CREBBP: variants seen among roughly 807,000 people sequenced by gnomAD.
The protein encoded by CREBBP is CREB binding lysine acetyltransferase, also known as CREB-binding protein.
Under a neutral mutation model 265.0 loss-of-function variants are expected in CREBBP, and 19 were observed. The observed-to-expected ratio is 0.07, with a 90% CI of 0.05 to 0.11. CREBBP has a LOEUF of 0.11. CREBBP is among the 10% of genes least tolerant of loss of function. CREBBP has a pLI of 1.00. For synonymous variants in CREBBP, 1,457 were observed against 1,223.7 expected (o/e 1.19, Z -3.98); for missense variants, 2,525 against 3,219.0 (o/e 0.78, Z 5.22).
chr16:3,814,215 CTGTGTGTGTGTG>C (rs6145729), intron 2 of CREBBP, among the ~76,000 whole-genome samples: 10,121 of 103,962 alleles, frequency 0.097, 537 homozygotes, highest in East Asian at 0.18. Context: ...GAGTCTCGTT[CTGTGTGTGTGTG>C]TGTGTGTGTG....
chr16:3,770,793 G>C lies in CREBBP; in HGVS notation c.2657C>G (p.Thr886Ser). The part of the protein sequence containing the change: ...GMTPPQPAAP[T>S]QPSTPVSSSG... ...AGACGACACAGGAGTTGATGGCTGA[G>C]TGGGAGCTGCTGGCTGGGGAGGAGT... is the stretch of plus-strand genomic sequence containing the variant. Residue 886 changes from threonine (T) to serine (S), a missense_variant, in exon 14 of 31, where the codon ACT becomes AGT. This residue lies in a region of CREBBP where 548 missense variants were observed against 533.0 expected (regional missense o/e 1.03). Coordinates refer to ENST00000262367, the MANE Select transcript of CREBBP (RefSeq NM_004380.3). 1.2e-6 allele frequency: 2 copies of C among 1,614,118 alleles called. No individual in the cohort carries two copies. Among genetic ancestry groups the C allele is most frequent in the South Asian group, 2.2e-5 (2 of 91,080 alleles).
At position 3,773,766 on chromosome 16, in the gene CREBBP, T is replaced by C. The variant is rs760103333; in HGVS notation, c.2448A>G (p.Gln816=). The C allele has an allele frequency of 1.2e-6, 2 of 1,613,872 alleles. No homozygotes were observed. The highest frequency in any genetic ancestry group is 1.7e-6 in the Non-Finnish European group (2 of 1,180,030). ...MSVGMGQPPA[Q]TGVSQGQVPG... ...GGCACAGTACCTGTGACACGCCTGT[T>C]TGGGCTGGCGGCTGCCCCATGCCCA... The change falls in exon 13 of 31, where the codon CAA becomes CAG. Residue 816 remains glutamine (Q), a synonymous_variant. Coordinates refer to ENST00000262367, the MANE Select transcript of CREBBP (RefSeq NM_004380.3).
intron 2 of CREBBP, among the ~76,000 whole-genome samples, chr16:3,820,354 A>G (rs9939460): frequency 0.015 from 2,352 of 152,338 alleles, 71 homozygotes; most frequent in African/African-American, 0.054. Flanking sequence ...TGCCACAGAC[A>G]GCACTTGGCT....
In CREBBP at chr16:3,770,966, A is replaced by G. The variant is rs757137669; in HGVS notation, c.2484T>C (p.Ala828=). The G allele has an allele frequency of 6.2e-7, 1 of 1,613,602 alleles. No individual in the cohort carries two copies. The highest frequency in any genetic ancestry group is 8.5e-7 in the Non-Finnish European group (1 of 1,180,004). The change falls in exon 14 of 31, where the codon GCT becomes GCC. Residue 828 remains alanine (A), a synonymous_variant. Transcript: ENST00000262367. ...CCAGCATGTTGAGAGGGTTAGGAAGAGCAGCACCAGGCACCTGTCCCTACC... is the reference window on the plus strand; with the variant it reads ...CCAGCATGTTGAGAGGGTTAGGAAGGGCAGCACCAGGCACCTGTCCCTACC... ...GVSQGQVPGA[A]LPNPLNMLGP...
chr16:3,877,968 T>G (rs1318186181), intron 1 of CREBBP, among the ~76,000 whole-genome samples: 1 of 152,248 alleles, frequency 6.6e-6, no homozygotes, highest in Non-Finnish European at 1.5e-5. Flanking sequence ...GATCAACTTA[T>G]TAAGCATCTG....
intron 3 of CREBBP, among the ~76,000 whole-genome samples, chr16:3,807,895 T>A (rs1316263366): frequency 6.6e-6 from 1 of 152,162 alleles, no homozygotes; most frequent in Non-Finnish European, 1.5e-5. Flanking sequence ...AAGGCACACG[T>A]GGGCACAGCC....
At chr16:3,749,095 C>T (rs879480961) in intron 21 of CREBBP, among the ~76,000 whole-genome samples, 7 of 152,112 alleles carry the variant, frequency 4.6e-5, no homozygotes, top group South Asian at 2.1e-4. Flanking sequence ...TGCAGTGAGC[C>T]GAGATCGTGC....
chr16:3,875,329 C>T (rs1014461387), intron 1 of CREBBP, among the ~76,000 whole-genome samples: 3 of 152,144 alleles, frequency 2.0e-5, no homozygotes, highest in South Asian at 4.1e-4. Context: ...AAACGAAGCA[C>T]GGTCATGAAA....
chr16:3,794,241 A>C (rs1340598419), intron 3 of CREBBP, among the ~76,000 whole-genome samples: 1 of 141,368 alleles, frequency 7.1e-6, no homozygotes, highest in Non-Finnish European at 1.5e-5. Context: ...CTGAGGCAGG[A>C]GAATGGTGTG....
chr16:3,852,212 TG>T (rs1260606225), intron 1 of CREBBP, among the ~76,000 whole-genome samples: 1 of 122,444 alleles, frequency 8.2e-6, no homozygotes, highest in Admixed American at 9.7e-5. Flanking sequence ...CGGCCCAGGC[TG>T]GATGGAGTGC....
In CREBBP at chr16:3,731,923, G is replaced by A. The variant is rs2051927798; in HGVS notation, c.4743C>T (p.Asp1581=). 4 of 1,614,238 alleles carry A rather than the reference G, an allele frequency of 2.5e-6. No individual in the cohort carries two copies. The East Asian group carries it at 6.7e-5, about 27-fold the overall frequency. The part of the protein sequence containing the change: ...ASETTEGSQG[D]SKNAKKKNNK... The stretch of plus-strand genomic sequence containing the variant: ...TGTTCTTCTTCTTGGCATTCTTGCT[G>A]TCGCCCTGACTGCCCTGCAACAACA... The change falls in exon 29 of 31, where the codon GAC becomes GAT. Residue 1581 remains aspartate, a synonymous_variant. Coordinates refer to ENST00000262367, the MANE Select transcript of CREBBP (RefSeq NM_004380.3). The surrounding 1 kb of genome is among the most constrained non-coding windows in gnomAD (Gnocchi z 7.7).
At chr16:3,760,825 T>C (rs976360422) in intron 16 of CREBBP, among the ~76,000 whole-genome samples, 2 of 151,964 alleles carry the variant, frequency 1.3e-5, no homozygotes, top group Non-Finnish European at 2.9e-5. Flanking sequence ...TCAAGTGATC[T>C]TGTCATATCA....
At chr16:3,739,019 C>T (rs915194545) in intron 25 of CREBBP, among the ~76,000 whole-genome samples, 1 of 152,218 alleles carries the variant, frequency 6.6e-6, no homozygotes, top group African/African-American at 2.4e-5. Context: ...CTGTGATTGG[C>T]CAGTTTTTCT....
At chr16:3,819,503 C>T (rs540652626) in intron 2 of CREBBP, among the ~76,000 whole-genome samples, 86 of 152,226 alleles carry the variant, frequency 5.6e-4, no homozygotes, top group African/African-American at 2.0e-3. Flanking sequence ...TTACAGAGAA[C>T]GTGTAATGGT....
At chr16:3,871,199 TCA>T (rs1037838119) in intron 1 of CREBBP, among the ~76,000 whole-genome samples, 4,235 of 49,580 alleles carry the variant, frequency 0.085, 90 homozygotes, top group East Asian at 0.18. Flanking sequence ...TCTCTCTCAC[TCA>T]CACACACACA....
chr16:3,835,611 GCT>G lies in CREBBP; in HGVS notation c.798+14684_798+14685del, dbSNP rs368607953. ...TTTTTTTTTTTTGAGACGGAGTCTT[GCT>G]CTGTCGCCTAGGCTGGAGTGCAGTA... On this transcript the variant is annotated intron_variant, in intron 2 of 30. Coordinates refer to ENST00000262367, the MANE Select transcript of CREBBP (RefSeq NM_004380.3). 1.6e-3 allele frequency among the ~76,000 whole-genome samples: 188 copies of G among 117,718 alleles called. 1 individual carries two copies. The highest frequency in any genetic ancestry group is 8.6e-3 in the South Asian group (33 of 3,846). 77.2% of individuals were successfully genotyped at this position (117,718 alleles called of 152,430 possible). A position where few individuals can be genotyped will look rare whatever the true frequency, so the allele number is the denominator to read the frequency against.
At chr16:3,849,773 C>G (rs1166535352) in intron 2 of CREBBP, among the ~76,000 whole-genome samples, 1 of 152,016 alleles carries the variant, frequency 6.6e-6, no homozygotes, top group Admixed American at 6.6e-5. Context: ...GCTGCTGCTG[C>G]TGGTCCAGGG....
intron 2 of CREBBP, among the ~76,000 whole-genome samples, chr16:3,825,853 G>T (rs899515665): frequency 1.3e-5 from 2 of 152,186 alleles, no homozygotes; most frequent in Non-Finnish European, 2.9e-5. Flanking sequence ...ATACAAGGAA[G>T]AATTCATAAT....
intron 2 of CREBBP, among the ~76,000 whole-genome samples, chr16:3,819,366 G>A (rs1378475301): frequency 6.6e-6 from 1 of 152,236 alleles, no homozygotes; most frequent in Non-Finnish European, 1.5e-5. Flanking sequence ...GAAGCACTAA[G>A]ATGAGCAGCT....
Sources: allele counts gnomAD v4.1 joint callset (sites outside exome capture counted in the v4.1 genomes callset), GRCh38; gene constraint gnomAD v4.1.1; regional missense constraint gnomAD v4.1.1; non-coding constraint Gnocchi (gnomAD v3.1); transcripts MANE v1.5; gene names NCBI Gene and HGNC (gene_info 2026-07-23, HGNC 2026-07-21).